Variants in ENPP6 observed in about 807,000 individuals in gnomAD.
ENPP6 encodes glycerophosphocholine cholinephosphodiesterase ENPP6.
ENPP6 carries 32 observed loss-of-function variants against 42.0 expected under a neutral mutation model. The ratio of observed to expected loss-of-function variants is 0.76; its 90% CI spans 0.58 to 1.02. ENPP6 has a LOEUF of 1.02. ENPP6 is among the 50% of genes least tolerant of loss of function. The pLI, the probability that ENPP6 is intolerant of heterozygous loss-of-function variation, is 0.00. For synonymous variants in ENPP6, 213 were observed against 216.0 expected, an observed-to-expected ratio of 0.99 and a Z score of 0.12; for missense variants, 552 against 566.8, an observed-to-expected ratio of 0.97 and a Z score of 0.27.
chr4:184,099,448 G>T (rs568720551), intron 6 of ENPP6, among the ~76,000 whole-genome samples: 1 of 152,352 alleles, frequency 6.6e-6, no homozygotes, highest in South Asian at 2.1e-4. Flanking sequence ...GGGATGTCAT[G>T]ACTGTGTGCT....
At chr4:184,161,880 G>A (rs1012195843) in intron 1 of ENPP6, among the ~76,000 whole-genome samples, 6 of 152,142 alleles carry the variant, frequency 3.9e-5, no homozygotes, top group African/African-American at 1.4e-4. Flanking sequence ...GGGACTTGGG[G>A]GAAAGGGTGG....
chr4:184,092,731 G>A (rs1344600179), intron 7 of ENPP6, among the ~76,000 whole-genome samples: 1 of 152,212 alleles, frequency 6.6e-6, no homozygotes. Context: ...GGAGATTTAA[G>A]CCATTGATAA....
intron 1 of ENPP6, among the ~76,000 whole-genome samples, chr4:184,175,632 C>T (rs1405316741): frequency 6.6e-6 from 1 of 152,156 alleles, no homozygotes; most frequent in Non-Finnish European, 1.5e-5. Context: ...TAGGCAGTCT[C>T]CCCAAATGGA....
intron 6 of ENPP6, among the ~76,000 whole-genome samples, chr4:184,102,656 C>T (rs1017235157): frequency 4.6e-5 from 7 of 152,314 alleles, no homozygotes; most frequent in East Asian, 1.9e-4. Context: ...CATCCCTCCC[C>T]GAGCAGAGGC....
At chr4:184,148,232 C>A (rs1736960208) in intron 2 of ENPP6, among the ~76,000 whole-genome samples, 1 of 152,084 alleles carries the variant, frequency 6.6e-6, no homozygotes, top group Non-Finnish European at 1.5e-5. Context: ...AGAGTTCATT[C>A]CAAGGCCTTG....
intron 6 of ENPP6, among the ~76,000 whole-genome samples, chr4:184,106,775 A>AGTGGG (rs1424756514): frequency 6.6e-6 from 1 of 152,074 alleles, no homozygotes; most frequent in East Asian, 1.9e-4. Flanking sequence ...GGAGGGCAGG[A>AGTGGG]GTGGGGGCAA....
At chr4:184,136,832 A>C (rs1379418652) in intron 2 of ENPP6, among the ~76,000 whole-genome samples, 1 of 152,180 alleles carries the variant, frequency 6.6e-6, no homozygotes, top group East Asian at 1.9e-4. Flanking sequence ...GCACTTCTTG[A>C]ATGTATAGTT....
intron 1 of ENPP6, among the ~76,000 whole-genome samples, chr4:184,178,001 G>T (rs544460835): frequency 6.6e-6 from 1 of 152,296 alleles, no homozygotes; most frequent in African/African-American, 2.4e-5. Context: ...CAAGGGCACA[G>T]AACTGGGCTG....
At chr4:184,197,331 C>T (rs992481343) in intron 1 of ENPP6, among the ~76,000 whole-genome samples, 3 of 152,154 alleles carry the variant, frequency 2.0e-5, no homozygotes, top group African/African-American at 4.8e-5. Context: ...TTGTACCTCC[C>T]GGGAGATGTT....
intron 2 of ENPP6, among the ~76,000 whole-genome samples, chr4:184,153,203 A>G (rs1737087075): frequency 6.7e-6 from 1 of 148,842 alleles, no homozygotes; most frequent in Non-Finnish European, 1.5e-5. Context: ...TCAGCTCACC[A>G]CAACCTCCGC....
intron 1 of ENPP6, among the ~76,000 whole-genome samples, chr4:184,162,788 C>A (rs1334332225): frequency 1.3e-5 from 2 of 152,148 alleles, no homozygotes; most frequent in Non-Finnish European, 2.9e-5. Flanking sequence ...GAGATGGTCA[C>A]AGCTGGACTC....
chr4:184,209,844 G>A (rs1317481885), intron 1 of ENPP6, among the ~76,000 whole-genome samples: 24 of 142,420 alleles, frequency 1.7e-4, no homozygotes, highest in African/African-American at 3.3e-4. Context: ...GAGAAAGGTC[G>A]GGTTACCCTC....
At chr4:184,208,162 G>A (rs944094047) in intron 1 of ENPP6, among the ~76,000 whole-genome samples, 2 of 152,022 alleles carry the variant, frequency 1.3e-5, no homozygotes, top group Non-Finnish European at 2.9e-5. Context: ...GCACCCATTC[G>A]CGAGTGTTCT....
chr4:184,154,197 T>C (rs1737115058), intron 1 of ENPP6, among the ~76,000 whole-genome samples: 3 of 152,206 alleles, frequency 2.0e-5, no homozygotes, highest in South Asian at 4.1e-4. Context: ...TTGCTTCAGC[T>C]CTGAACAGTG....
At chr4:184,151,155 C>T (rs4862322) in intron 2 of ENPP6, among the ~76,000 whole-genome samples, 136,350 of 152,252 alleles carry the variant, frequency 0.9, 61,370 homozygotes, top group Non-Finnish European at 0.94. Context: ...CTGGCCAACA[C>T]GGTAAAACCC....
chr4:184,096,519 A>AG (rs1400310498), intron 7 of ENPP6, among the ~76,000 whole-genome samples: 1 of 152,132 alleles, frequency 6.6e-6, no homozygotes, highest in Non-Finnish European at 1.5e-5. Flanking sequence ...TTTTGGGAGA[A>AG]GAGGGTGTTC....
At chr4:184,195,089 C>A (rs2111110570) in intron 1 of ENPP6, among the ~76,000 whole-genome samples, 1 of 152,184 alleles carries the variant, frequency 6.6e-6, no homozygotes, top group South Asian at 2.1e-4. Flanking sequence ...TTAAAAATTT[C>A]TAATTTCTAA....
chr4:184,120,799 A>G (rs1169066828), intron 3 of ENPP6, among the ~76,000 whole-genome samples: 1 of 152,200 alleles, frequency 6.6e-6, no homozygotes, highest in African/African-American at 2.4e-5. Flanking sequence ...GGCCCCAAAG[A>G]GAACACTTGC....
intron 6 of ENPP6, among the ~76,000 whole-genome samples, chr4:184,105,429 T>C (rs1736071309): frequency 6.6e-6 from 1 of 152,180 alleles, no homozygotes; most frequent in African/African-American, 2.4e-5. Context: ...AGAAACACAT[T>C]GAACATTCTG....
Sources: allele counts gnomAD v4.1 joint callset (sites outside exome capture counted in the v4.1 genomes callset), GRCh38; gene constraint gnomAD v4.1.1; transcripts MANE v1.5; gene names NCBI Gene and HGNC (gene_info 2026-07-23, HGNC 2026-07-21).